Variants in NKAIN2 observed in about 807,000 individuals in gnomAD.
NKAIN2 encodes sodium/potassium-transporting ATPase subunit beta-1-interacting protein 2.
A neutral mutation model predicts 32.6 loss-of-function variants in NKAIN2; 14 were observed. The ratio of observed to expected loss-of-function variants is 0.43; its 90% CI spans 0.28 to 0.67. NKAIN2 has a LOEUF of 0.67. Among genes scored for constraint, NKAIN2 ranks in the 30% least tolerant of loss-of-function variants. The probability of loss-of-function intolerance (pLI) is 0.17; values close to 1 mark genes in which losing one functional copy is unlikely to be tolerated. For missense variants in NKAIN2, 198 were observed against 258.3 expected (o/e 0.77, Z 1.60); for synonymous variants, 80 against 87.2 (o/e 0.92, Z 0.46).
intron 1 of NKAIN2, among the ~76,000 whole-genome samples, chr6:123,883,459 T>A (rs1011487631): frequency 3.6e-5 from 3 of 83,004 alleles, no homozygotes; most frequent in Admixed American, 2.6e-4. Flanking sequence ...TGAGTTCTTG[T>A]GAGATCTTGT....
At position 124,345,109 on chromosome 6, in the gene NKAIN2, G is replaced by T. The variant is rs1397680469; in HGVS notation, c.193-10158G>T. ...AGATAATCATGTGGGTTTTGTCTTT[G>T]GTTCTGTTTATATGCTAGTTTACAT... is the stretch of plus-strand genomic sequence containing the variant. On this transcript the variant is annotated intron_variant, in intron 2 of 6. Transcript: ENST00000368417. Among the ~76,000 whole-genome samples, 4 of 152,128 alleles carry T rather than the reference G, an allele frequency of 2.6e-5. No homozygotes were observed. The South Asian group carries it at 8.3e-4, about 32-fold the overall frequency.
intron 3 of NKAIN2, among the ~76,000 whole-genome samples, chr6:124,503,944 A>G (rs1000232462): frequency 5.9e-5 from 9 of 152,286 alleles, no homozygotes; most frequent in African/African-American, 1.7e-4. Flanking sequence ...GAGAAGATTG[A>G]TAATAGCAAG....
chr6:124,785,561 G>A (rs1248871754), intron 4 of NKAIN2, among the ~76,000 whole-genome samples: 1 of 152,136 alleles, frequency 6.6e-6, no homozygotes, highest in Non-Finnish European at 1.5e-5. Flanking sequence ...TTTGATGGGA[G>A]AAGGAGGGAT....
At chr6:124,511,896 A>G (rs1348282944) in intron 3 of NKAIN2, among the ~76,000 whole-genome samples, 4 of 152,118 alleles carry the variant, frequency 2.6e-5, no homozygotes, top group Non-Finnish European at 5.9e-5. Flanking sequence ...TGACACACTT[A>G]TGCACCCTTG....
At chr6:124,455,998 G>T (rs1470126692) in intron 3 of NKAIN2, among the ~76,000 whole-genome samples, 1 of 151,716 alleles carries the variant, frequency 6.6e-6, no homozygotes, top group Non-Finnish European at 1.5e-5. Context: ...GCATGACAGG[G>T]GACAGGGATA....
intron 5 of NKAIN2, among the ~76,000 whole-genome samples, chr6:124,818,075 T>A (rs534026787): frequency 1.3e-5 from 2 of 152,324 alleles, no homozygotes; most frequent in South Asian, 4.1e-4. Context: ...GCATCTCTAT[T>A]GTGTAGATGA....
chr6:124,019,041 T>C (rs969636549), intron 1 of NKAIN2, among the ~76,000 whole-genome samples: 2 of 152,120 alleles, frequency 1.3e-5, no homozygotes, highest in Non-Finnish European at 2.9e-5. Flanking sequence ...ATGTCTTCCA[T>C]GGTGGCAGGC....
chr6:124,701,153 G>A (rs201724730), intron 4 of NKAIN2, among the ~76,000 whole-genome samples: 143 of 131,884 alleles, frequency 1.1e-3, no homozygotes, highest in African/African-American at 2.1e-3. Flanking sequence ...ACACACACAC[G>A]CACACACACA....
Position 123,804,142 on chromosome 6 carries a change from T to G in NKAIN2, c.-59T>G. On this transcript the variant is annotated 5_prime_UTR_variant, in exon 1 of 7. Transcript: ENST00000368417. ...TTCCCCGCGATCTGATTGGATAAAG[T>G]GGGGGCTCGACGGTGGCCGACGTGG... is the stretch of plus-strand genomic sequence containing the variant. 6.8e-7 allele frequency: 1 copy of G among 1,481,362 alleles called. No homozygotes were observed. The highest frequency in any genetic ancestry group is 9.4e-7 in the Non-Finnish European group (1 of 1,060,032). The allele number at this position is 1,481,362 out of a possible 1,614,324, so 91.8% of individuals were successfully genotyped here.
chr6:124,444,461 T>C (rs1307790239), intron 3 of NKAIN2, among the ~76,000 whole-genome samples: 4 of 152,046 alleles, frequency 2.6e-5, no homozygotes, highest in Non-Finnish European at 5.9e-5. Flanking sequence ...TGTACCGTAA[T>C]GGTTGTTGCT....
intron 1 of NKAIN2, among the ~76,000 whole-genome samples, chr6:124,235,479 A>G (rs1156693949): frequency 6.6e-6 from 1 of 152,194 alleles, no homozygotes; most frequent in East Asian, 1.9e-4. Context: ...ACTAATAAGG[A>G]ACATAACTTA....
intron 3 of NKAIN2, among the ~76,000 whole-genome samples, chr6:124,463,434 TC>T (rs1164763144): frequency 6.6e-6 from 1 of 152,076 alleles, no homozygotes; most frequent in African/African-American, 2.4e-5. Flanking sequence ...ATAAAAGTCT[TC>T]TACCATCTGC....
chr6:124,287,627 T>C (rs939618444), intron 2 of NKAIN2, among the ~76,000 whole-genome samples: 1 of 152,150 alleles, frequency 6.6e-6, no homozygotes, highest in Admixed American at 6.5e-5. Flanking sequence ...GAATCAATCT[T>C]GTATCTCAAT....
At chr6:124,816,091 G>C (rs779702332) in intron 5 of NKAIN2, among the ~76,000 whole-genome samples, 2 of 152,010 alleles carry the variant, frequency 1.3e-5, no homozygotes, top group African/African-American at 2.4e-5. Flanking sequence ...TTGGTAAAAG[G>C]GTTTCCCATG....
intron 4 of NKAIN2, among the ~76,000 whole-genome samples, chr6:124,752,886 A>T (rs950787410): frequency 6.6e-6 from 1 of 152,138 alleles, no homozygotes; most frequent in Non-Finnish European, 1.5e-5. Flanking sequence ...AATATTTCAA[A>T]TGCCTCATAG....
chr6:124,130,303 T>A (rs1347860687), intron 1 of NKAIN2, among the ~76,000 whole-genome samples: 1 of 152,204 alleles, frequency 6.6e-6, no homozygotes, highest in African/African-American at 2.4e-5. Context: ...ACTTTGATAA[T>A]GTTCTTTTCA....
Position 124,447,437 on chromosome 6 carries a change from T to A in NKAIN2, c.273+92090T>A, listed in dbSNP as rs146017406. The stretch of plus-strand genomic sequence containing the variant: ...GGATGGAAATGCCTTAACCAGTTAT[T>A]CTTGTAATTAATCCAGGAGGTTGGC... On this transcript the variant is annotated intron_variant, in intron 3 of 6. Coordinates refer to ENST00000368417, the MANE Select transcript of NKAIN2 (RefSeq NM_001040214.3). Among the ~76,000 whole-genome samples the A allele has an allele frequency of 9.9e-3, 1,505 of 152,228 alleles. 27 individuals carry two copies. The highest frequency in any genetic ancestry group is 0.035 in the African/African-American group (1,445 of 41,556).
At chr6:124,404,667 C>A (rs922994707) in intron 3 of NKAIN2, among the ~76,000 whole-genome samples, 1 of 151,862 alleles carries the variant, frequency 6.6e-6, no homozygotes, top group African/African-American at 2.4e-5. Context: ...ATTAAAAATT[C>A]TCAAAACACT....
At chr6:124,374,623 A>G (rs1799904735) in intron 3 of NKAIN2, among the ~76,000 whole-genome samples, 1 of 152,144 alleles carries the variant, frequency 6.6e-6, no homozygotes, top group South Asian at 2.1e-4. Flanking sequence ...TACGCAACAA[A>G]GTTATAATTT....
Sources: allele counts gnomAD v4.1 joint callset (sites outside exome capture counted in the v4.1 genomes callset), GRCh38; gene constraint gnomAD v4.1.1; transcripts MANE v1.5; gene names NCBI Gene and HGNC (gene_info 2026-07-23, HGNC 2026-07-21).